RPA1: variants seen among roughly 807,000 people sequenced by gnomAD.
The protein encoded by RPA1 is replication protein A 70 kDa DNA-binding subunit.
RPA1 carries 49 observed loss-of-function variants against 83.0 expected under a neutral mutation model. The observed-to-expected ratio is 0.59, with a 90% CI of 0.47 to 0.75. RPA1 has a LOEUF of 0.75. RPA1 is among the 30% of genes least tolerant of loss of function. The pLI, the probability that RPA1 is intolerant of heterozygous loss-of-function variation, is 0.00. For synonymous variants in RPA1, 279 were observed against 281.8 expected, an observed-to-expected ratio of 0.99 and a Z score of 0.10; for missense variants, 693 against 776.1, an observed-to-expected ratio of 0.89 and a Z score of 1.27.
At chr17:1,889,881 T>C (rs1914138983) in intron 14 of RPA1, among the ~76,000 whole-genome samples, 1 of 151,730 alleles carries the variant, frequency 6.6e-6, no homozygotes, top group Non-Finnish European at 1.5e-5. Flanking sequence ...GTGCCTGTAG[T>C]CCCAGCTACT....
chr17:1,872,253 A>G (rs1474906097), intron 5 of RPA1, 181 bp from the exon 6 acceptor site: 8 of 893,380 alleles, frequency 9.0e-6, no homozygotes, highest in Admixed American at 2.9e-5. Context: ...AATGAAAACA[A>G]AAAGTGAACC....
chr17:1,833,124 G>T (rs940806300), intron 1 of RPA1, among the ~76,000 whole-genome samples: 2 of 151,390 alleles, frequency 1.3e-5, no homozygotes, highest in African/African-American at 4.9e-5. Flanking sequence ...ACAGGGTTTC[G>T]CCATGTAGGC....
At chr17:1,853,549 G>A (rs1188534782) in intron 5 of RPA1, among the ~76,000 whole-genome samples, 1 of 152,166 alleles carries the variant, frequency 6.6e-6, no homozygotes, top group Non-Finnish European at 1.5e-5. Context: ...TAGGCATAGA[G>A]GCCTGCGCCT....
chr17:1,883,225 C>T (rs895709330), intron 12 of RPA1, among the ~76,000 whole-genome samples: 1 of 152,148 alleles, frequency 6.6e-6, no homozygotes, highest in African/African-American at 2.4e-5. Context: ...GGCGCCATCT[C>T]GGCTCACTGC....
intron 4 of RPA1, among the ~76,000 whole-genome samples, chr17:1,846,343 G>T (rs1370396826): frequency 1.5e-5 from 2 of 134,710 alleles, no homozygotes; most frequent in Non-Finnish European, 3.1e-5. Flanking sequence ...TTCTCCTGAG[G>T]CCTCACTCTG....
chr17:1,894,174 A>AT (rs144400153), intron 15 of RPA1, among the ~76,000 whole-genome samples: 6,695 of 144,398 alleles, frequency 0.046, 404 homozygotes, highest in African/African-American at 0.14. Context: ...TGACCTCCTA[A>AT]TTTTTTTTTT....
At chr17:1,848,855 C>T (rs894160848) in intron 4 of RPA1, among the ~76,000 whole-genome samples, 7 of 152,080 alleles carry the variant, frequency 4.6e-5, no homozygotes, top group African/African-American at 1.7e-4. Context: ...TGAGCCACCG[C>T]ACCCAGCCTG....
rs1194839693 is a variant in RPA1, at chr17:1,830,049, C to G, written c.-45C>G. The G allele has an allele frequency of 6.4e-6, 8 of 1,248,114 alleles. No homozygotes were observed. Among genetic ancestry groups the G allele is most frequent in the Admixed American group, 8.4e-5 (2 of 23,688 alleles). The allele number at this position is 1,248,114 out of a possible 1,614,324, so 77.3% of individuals were successfully genotyped here. The stretch of plus-strand genomic sequence containing the variant: ...AGCGCGCGGGACCCGGGTGGGGAAG[C>G]TGGAGCTGTTGCGGGGTCCGCGGGG... On this transcript the variant is annotated 5_prime_UTR_variant, in exon 1 of 17. Transcript: ENST00000254719.
At chr17:1,843,874 G>T in intron 2 of RPA1, 46 bp from the exon 3 acceptor site, 1 of 1,541,484 alleles carries the variant, frequency 6.5e-7, no homozygotes, top group South Asian at 1.1e-5. Flanking sequence ...GTATCCCTGG[G>T]GACGGGGCAG....
chr17:1,831,848 C>G (rs1429423504), intron 1 of RPA1, among the ~76,000 whole-genome samples: 1 of 151,296 alleles, frequency 6.6e-6, no homozygotes, highest in Admixed American at 6.6e-5. Context: ...ATTCGCCCGC[C>G]TCGGCCTCCC....
intron 5 of RPA1, among the ~76,000 whole-genome samples, chr17:1,863,125 G>A (rs1913047989): frequency 1.3e-5 from 2 of 151,982 alleles, no homozygotes; most frequent in African/African-American, 4.8e-5. Flanking sequence ...CCAGGCTCAA[G>A]TGATCTTCCC....
At chr17:1,855,363 G>GTGTGTGTGTGTGTT (rs752248502) in intron 5 of RPA1, among the ~76,000 whole-genome samples, 66 of 120,066 alleles carry the variant, frequency 5.5e-4, no homozygotes, top group Non-Finnish European at 1.1e-3. Context: ...GTGTGTGTGT[G>GTGTGTGTGTGTGTT]TGTTTAGTAG....
intron 1 of RPA1, among the ~76,000 whole-genome samples, chr17:1,832,227 G>A (rs1051001095): frequency 6.6e-6 from 1 of 151,532 alleles, no homozygotes; most frequent in African/African-American, 2.4e-5. Context: ...CACCGCACCC[G>A]GCCCTGAACA....
At position 1,872,559 on chromosome 17, in the gene RPA1, G is replaced by A. The variant is rs777830225; in HGVS notation, c.454+33G>A. On this transcript the variant is annotated intron_variant, in intron 6 of 16. Coordinates refer to ENST00000254719, the MANE Select transcript of RPA1 (RefSeq NM_002945.5). The stretch of plus-strand genomic sequence containing the variant: ...GCCTCACGGGGCGTGCGCTGACCAG[G>A]GGTGTCAGACTTCGGAATCATGTTT... 16 of 1,608,886 alleles carry A rather than the reference G, an allele frequency of 9.9e-6. No homozygotes were observed. The African/African-American group carries it at 1.9e-4, about 19-fold the overall frequency.
At chr17:1,890,626 G>A (rs889268546) in intron 14 of RPA1, among the ~76,000 whole-genome samples, 2 of 152,194 alleles carry the variant, frequency 1.3e-5, no homozygotes, top group Non-Finnish European at 2.9e-5. Flanking sequence ...TCGCGCCACT[G>A]CATTCCAGCC....
At chr17:1,857,865 C>T (rs1415848938) in intron 5 of RPA1, among the ~76,000 whole-genome samples, 5 of 142,536 alleles carry the variant, frequency 3.5e-5, no homozygotes, top group Non-Finnish European at 7.7e-5. Flanking sequence ...AAAACTAGAC[C>T]GTTTTCCACT....
intron 5 of RPA1, among the ~76,000 whole-genome samples, chr17:1,869,470 G>A (rs956837495): frequency 1.3e-5 from 2 of 152,076 alleles, no homozygotes; most frequent in African/African-American, 2.4e-5. Flanking sequence ...ATCGGGAGGC[G>A]GAGGTTGCAG....
At chr17:1,852,377 C>T (rs1476224118) in intron 4 of RPA1, among the ~76,000 whole-genome samples, 1 of 152,174 alleles carries the variant, frequency 6.6e-6, no homozygotes, top group African/African-American at 2.4e-5. Context: ...AAGGAAGTGT[C>T]TCTTGAAGTG....
intron 14 of RPA1, among the ~76,000 whole-genome samples, chr17:1,889,130 A>G (rs1255905808): frequency 6.6e-6 from 1 of 152,190 alleles, no homozygotes; most frequent in Non-Finnish European, 1.5e-5. Context: ...CGGCATTTAT[A>G]GACAGCACTA....
Sources: allele counts gnomAD v4.1 joint callset (sites outside exome capture counted in the v4.1 genomes callset), GRCh38; gene constraint gnomAD v4.1.1; transcripts MANE v1.5; gene names NCBI Gene and HGNC (gene_info 2026-07-23, HGNC 2026-07-21).